The following PCCA variants were observed in gnomAD, a reference collection of about 807,000 sequenced individuals.
PCCA encodes propionyl-CoA carboxylase alpha chain, mitochondrial.
PCCA carries 74 observed loss-of-function variants against 101.3 expected under a neutral mutation model. The ratio of observed to expected loss-of-function variants is 0.73; its 90% CI spans 0.61 to 0.89. The LOEUF (loss-of-function observed/expected upper bound fraction) is 0.89. Ranked by LOEUF, PCCA falls within the 40% of genes least tolerant of loss-of-function variation. PCCA has a pLI of 0.00. For synonymous variants in PCCA, 294 were observed against 313.6 expected, an observed-to-expected ratio of 0.94 and a Z score of 0.66; for missense variants, 891 against 907.0, an observed-to-expected ratio of 0.98 and a Z score of 0.23.
chr13:100,262,174 C>T lies in PCCA; in HGVS notation c.717-555C>T, dbSNP rs931062065. Among the ~76,000 whole-genome samples, 5 of 152,070 alleles carry T rather than the reference C, an allele frequency of 3.3e-5. No homozygotes were observed. In the East Asian group the frequency reaches 9.6e-4, roughly 29 times the overall value. On this transcript the variant is annotated intron_variant, in intron 9 of 23. Coordinates refer to ENST00000376285, the MANE Select transcript of PCCA (RefSeq NM_000282.4). ...TTGGGAGGCTGAGGCAGGTGGATCA[C>T]CTTAGGTCAGGAGTTCAAGACCATC...
chr13:100,486,555 C>T (rs2084388390), intron 21 of PCCA, among the ~76,000 whole-genome samples: 1 of 152,278 alleles, frequency 6.6e-6, no homozygotes, highest in East Asian at 1.9e-4. Context: ...GCAATATGAA[C>T]TATATTGTAA....
chr13:100,527,844 C>G (rs990101686), intron 23 of PCCA, 92 bp downstream of exon 23: 2 of 924,568 alleles, frequency 2.2e-6, no homozygotes, highest in African/African-American at 3.2e-5. Context: ...GAAAGGGCCA[C>G]AGAGGCGCCC....
intron 6 of PCCA, among the ~76,000 whole-genome samples, chr13:100,165,170 T>G (rs917948596): frequency 1.3e-5 from 2 of 152,182 alleles, no homozygotes; most frequent in South Asian, 2.1e-4. Flanking sequence ...CTGCTTTTGC[T>G]TCTTTTTAGT....
At chr13:100,167,566 A>T (rs1169915113) in intron 6 of PCCA, among the ~76,000 whole-genome samples, 1 of 152,106 alleles carries the variant, frequency 6.6e-6, no homozygotes, top group South Asian at 2.1e-4. Flanking sequence ...TGAATTATTT[A>T]AAAAAATAGA....
intron 16 of PCCA, among the ~76,000 whole-genome samples, chr13:100,328,905 G>A (rs1201073451): frequency 6.6e-6 from 1 of 151,106 alleles, no homozygotes; most frequent in African/African-American, 2.4e-5. Context: ...TGTTGGCCAG[G>A]CTGGTCTCGA....
rs190875925 is a variant in PCCA, at chr13:100,389,769, G to A, written c.1746+21195G>A. ...TGTGGGACCTGGTGGCAGGCAGGGA[G>A]GGGGAAACGAGTGGTGAGATGGGAG... On this transcript the variant is annotated intron_variant, in intron 19 of 23. Coordinates refer to ENST00000376285, the MANE Select transcript of PCCA (RefSeq NM_000282.4). Among the ~76,000 whole-genome samples, 228 of 152,320 alleles carry A rather than the reference G, an allele frequency of 1.5e-3. 1 individual carries two copies. In the East Asian group the frequency reaches 0.025, roughly 17 times the overall value.
intron 6 of PCCA, among the ~76,000 whole-genome samples, chr13:100,178,744 A>C (rs763476698): frequency 2.6e-5 from 4 of 151,928 alleles, no homozygotes; most frequent in African/African-American, 9.7e-5. Flanking sequence ...TTAAAAAAAA[A>C]TAATTTAGAC....
At chr13:100,095,335 A>G (rs925548650) in intron 1 of PCCA, among the ~76,000 whole-genome samples, 1 of 152,220 alleles carries the variant, frequency 6.6e-6, no homozygotes, top group African/African-American at 2.4e-5. Flanking sequence ...TTTAGGGGCT[A>G]TCGTTCAATT....
intron 16 of PCCA, among the ~76,000 whole-genome samples, chr13:100,325,302 CAACTT>C (rs1336737107): frequency 6.6e-6 from 1 of 152,014 alleles, no homozygotes; most frequent in Non-Finnish European, 1.5e-5. Flanking sequence ...TGTTATATGA[CAACTT>C]AAAGCAAAAG....
At chr13:100,350,098 G>A (rs1054160392) in intron 18 of PCCA, among the ~76,000 whole-genome samples, 2 of 152,186 alleles carry the variant, frequency 1.3e-5, no homozygotes, top group Non-Finnish European at 2.9e-5. Context: ...ACTGAAAGAT[G>A]AGTGGGGTGA....
intron 22 of PCCA, among the ~76,000 whole-genome samples, chr13:100,517,099 AGT>A (rs2086894553): frequency 7.9e-6 from 1 of 126,104 alleles, no homozygotes; most frequent in Non-Finnish European, 1.7e-5. Flanking sequence ...GTTTCAAGTA[AGT>A]GTTTTCCTTA....
intron 7 of PCCA, among the ~76,000 whole-genome samples, chr13:100,226,915 T>C (rs936479284): frequency 6.6e-6 from 1 of 152,232 alleles, no homozygotes; most frequent in African/African-American, 2.4e-5. Flanking sequence ...ATTTTACAGA[T>C]GAGGAAACCG....
intron 11 of PCCA, among the ~76,000 whole-genome samples, chr13:100,269,096 C>T (rs1327012280): frequency 6.6e-6 from 1 of 152,212 alleles, no homozygotes; most frequent in African/African-American, 2.4e-5. Flanking sequence ...GATTAGCCCA[C>T]CTCAGCCTCC....
intron 20 of PCCA, among the ~76,000 whole-genome samples, chr13:100,434,075 A>G (rs533113995): frequency 1.3e-5 from 2 of 152,134 alleles, no homozygotes; most frequent in African/African-American, 2.4e-5. Context: ...CTCTTGTACT[A>G]TTTCTTCCTC....
intron 21 of PCCA, among the ~76,000 whole-genome samples, chr13:100,472,191 A>G (rs549802391): frequency 4.6e-5 from 7 of 152,122 alleles, no homozygotes; most frequent in East Asian, 1.9e-4. Flanking sequence ...GCCACTCTAC[A>G]TTGATTTATT....
chr13:100,125,135 T>TTGTGTGTG (rs3034643), intron 4 of PCCA, among the ~76,000 whole-genome samples: 31,075 of 149,052 alleles, frequency 0.21, 4,045 homozygotes, highest in East Asian at 0.47. Context: ...GACCTTTTAT[T>TTGTGTGTG]TGTGTGTGTG....
chr13:100,381,303 G>A (rs1012378342), intron 19 of PCCA, among the ~76,000 whole-genome samples: 3 of 151,960 alleles, frequency 2.0e-5, no homozygotes, highest in African/African-American at 7.3e-5. Flanking sequence ...GCAGGAGAAT[G>A]GCATGAACCC....
At position 100,298,744 on chromosome 13, in the gene PCCA, G is replaced by T. The variant is rs188418739; in HGVS notation, c.1066-2716G>T. On this transcript the variant is annotated intron_variant, in intron 12 of 23. Transcript: ENST00000376285. The stretch of plus-strand genomic sequence containing the variant: ...CTTCCTTCCTTCCTTCCTTCCTTCC[G>T]TCCTTCCTTCCGTCCTTTTGTTCCT... Among the ~76,000 whole-genome samples, 301 of 105,052 alleles carry T rather than the reference G, an allele frequency of 2.9e-3. 4 individuals are homozygous for T. Among genetic ancestry groups the T allele is most frequent in the African/African-American group, 5.6e-3 (152 of 27,142 alleles). 68.9% of individuals were successfully genotyped at this position (105,052 alleles called of 152,430 possible). A position where few individuals can be genotyped will look rare whatever the true frequency, so the allele number is the denominator to read the frequency against.
rs557278506 is a variant in PCCA, at chr13:100,235,471, T to A, written c.601-371T>A. The stretch of plus-strand genomic sequence containing the variant: ...ACAGAATCTAGGAAAACATGACACA[T>A]AATATTGGACAGAAACAAGCTGGCT... On this transcript the variant is annotated intron_variant, in intron 7 of 23. Coordinates refer to ENST00000376285, the MANE Select transcript of PCCA (RefSeq NM_000282.4). 2.7e-4 allele frequency among the ~76,000 whole-genome samples: 41 copies of A among 152,226 alleles called. 1 individual carries two copies. Among genetic ancestry groups the A allele is most frequent in the African/African-American group, 9.6e-4 (40 of 41,546 alleles).
Sources: allele counts gnomAD v4.1 joint callset (sites outside exome capture counted in the v4.1 genomes callset), GRCh38; gene constraint gnomAD v4.1.1; transcripts MANE v1.5; gene names NCBI Gene and HGNC (gene_info 2026-07-23, HGNC 2026-07-21).